Variants in CRACD observed in about 807,000 individuals in gnomAD.
CRACD encodes the protein capping protein-inhibiting regulator of actin dynamics.
A neutral mutation model predicts 106.8 loss-of-function variants in CRACD; 56 were observed. That is an observed-to-expected ratio of 0.52 (90% CI 0.42 to 0.66). CRACD has a LOEUF of 0.66. CRACD is among the 30% of genes least tolerant of loss of function. The pLI, the probability that CRACD is intolerant of heterozygous loss-of-function variation, is 0.00. For synonymous variants in CRACD, 754 were observed against 670.8 expected (o/e 1.12, Z -1.92); for missense variants, 1,730 against 1,623.2 (o/e 1.07, Z -1.13).
At chr4:56,185,769 C>T (rs903906286) in intron 2 of CRACD, among the ~76,000 whole-genome samples, 25 of 152,166 alleles carry the variant, frequency 1.6e-4, no homozygotes, top group African/African-American at 6.0e-4. Context: ...CCCTGTCTCC[C>T]CACCCCTGAC....
At chr4:56,326,388 C>A (rs1746453493) in intron 10 of CRACD, among the ~76,000 whole-genome samples, 2 of 152,132 alleles carry the variant, frequency 1.3e-5, no homozygotes, top group African/African-American at 2.4e-5. Flanking sequence ...AAAGTGAAAG[C>A]CCCAAAGTCA....
At chr4:56,260,855 GTCTT>G (rs1217649177) in intron 2 of CRACD, among the ~76,000 whole-genome samples, 2 of 151,838 alleles carry the variant, frequency 1.3e-5, no homozygotes, top group Non-Finnish European at 2.9e-5. Context: ...CTGTCTGTCT[GTCTT>G]TCTGTCTATC....
chr4:56,214,410 T>C (rs577699066), intron 2 of CRACD, among the ~76,000 whole-genome samples: 3 of 151,564 alleles, frequency 2.0e-5, no homozygotes, highest in East Asian at 3.9e-4. Flanking sequence ...CTGGCCAACA[T>C]GGTGAAAACT....
chr4:56,144,145 A>G (rs764945579), intron 1 of CRACD, among the ~76,000 whole-genome samples: 1 of 152,184 alleles, frequency 6.6e-6, no homozygotes, highest in South Asian at 2.1e-4. Flanking sequence ...GAGGGAGCAC[A>G]TGGTGCTTCT....
intron 1 of CRACD, among the ~76,000 whole-genome samples, chr4:56,050,602 C>G (rs1395716639): frequency 1.3e-5 from 2 of 152,096 alleles, no homozygotes; most frequent in African/African-American, 4.8e-5. Context: ...TCACTACTGT[C>G]TCCTTTATCC....
At chr4:56,295,499 T>C (rs2109712964) in intron 3 of CRACD, among the ~76,000 whole-genome samples, 1 of 151,568 alleles carries the variant, frequency 6.6e-6, no homozygotes, top group East Asian at 1.9e-4. Flanking sequence ...ATGTTTGGAG[T>C]TCAACACCAA....
At chr4:56,116,100 T>C (rs1477385221) in intron 1 of CRACD, among the ~76,000 whole-genome samples, 1 of 152,240 alleles carries the variant, frequency 6.6e-6, no homozygotes, top group Non-Finnish European at 1.5e-5. Context: ...CAGAAGGTGA[T>C]AATAAATTGC....
At chr4:56,090,334 TC>T (rs1384842961) in intron 1 of CRACD, among the ~76,000 whole-genome samples, 2 of 152,128 alleles carry the variant, frequency 1.3e-5, no homozygotes, top group Non-Finnish European at 2.9e-5. Flanking sequence ...ACCCAGGCGT[TC>T]CTGTGGTTAT....
At chr4:56,231,337 A>AT (rs1446231580) in intron 2 of CRACD, among the ~76,000 whole-genome samples, 1 of 152,216 alleles carries the variant, frequency 6.6e-6, no homozygotes, top group Non-Finnish European at 1.5e-5. Flanking sequence ...TAGGTGCTCA[A>AT]TGAATATTCA....
In CRACD at chr4:56,314,789, G is replaced by A. The variant is rs982867907; in HGVS notation, c.1287G>A (p.Arg429=). 2.1e-5 allele frequency: 34 copies of A among 1,599,778 alleles called. No individual in the cohort carries two copies. The highest frequency in any genetic ancestry group is 2.7e-5 in the Non-Finnish European group (32 of 1,174,758). The change falls in exon 8 of 11, where the codon AGG becomes AGA. Residue 429 remains arginine, a synonymous_variant. Coordinates refer to ENST00000682029, the MANE Select transcript of CRACD (RefSeq NM_001393381.1). The surrounding 1 kb of genome is among the most constrained non-coding windows in gnomAD (Gnocchi z 4.4). ...LSELLNDFEE[R]LEDQERLKPE... is the part of the protein sequence containing the mutation. The stretch of plus-strand genomic sequence containing the variant: ...AGCTTCTGAACGACTTTGAGGAGAG[G>A]CTCGAAGACCAGGAACGCCTGAAAC...
At chr4:56,192,770 T>C (rs13142172) in intron 2 of CRACD, among the ~76,000 whole-genome samples, 36,711 of 152,120 alleles carry the variant, frequency 0.24, 5,510 homozygotes, top group Non-Finnish European at 0.32. Context: ...GAAGACCTTT[T>C]CCTGATCTGA....
intron 3 of CRACD, among the ~76,000 whole-genome samples, chr4:56,275,390 G>T (rs1742620162): frequency 6.6e-6 from 1 of 152,116 alleles, no homozygotes; most frequent in South Asian, 2.1e-4. Flanking sequence ...GGAGTTCAAG[G>T]CTATAGTGCG....
chr4:56,191,012 A>C (rs755576021), intron 2 of CRACD, among the ~76,000 whole-genome samples: 4 of 152,164 alleles, frequency 2.6e-5, no homozygotes, highest in Non-Finnish European at 5.9e-5. Flanking sequence ...TGAGATTTTC[A>C]TGGGGACACA....
In CRACD at chr4:56,316,285, C is replaced by T. The variant is rs984566977; in HGVS notation, c.2783C>T (p.Ser928Phe). 6.2e-7 allele frequency: 1 copy of T among 1,613,884 alleles called. No homozygotes were observed. The highest frequency in any genetic ancestry group is 1.7e-5 in the Admixed American group (1 of 60,012). ...TCCGCTGAACCTTCCAGCAGCCGCT[C>T]TGTTCCTGTGGCCCACCCTGGGCCT... ...RDSAEPSSSR[S>F]VPVAHPGPPP... Residue 928 changes from serine (S) to phenylalanine (F), a missense_variant, in exon 8 of 11, where the codon TCT becomes TTT. Physicochemically the swap from Ser to Phe is radical, Grantham distance 155 (BLOSUM62 -2). This residue lies in a region of CRACD where 1,620 missense variants were observed against 1,481.6 expected (regional missense o/e 1.09). Transcript: ENST00000682029.
chr4:56,269,253 C>G (rs1477740940), intron 2 of CRACD, among the ~76,000 whole-genome samples: 1 of 151,976 alleles, frequency 6.6e-6, no homozygotes, highest in Non-Finnish European at 1.5e-5. Context: ...GGTGGTGGCC[C>G]ACGCCTGTAA....
At chr4:56,296,282 T>C (rs1403413852) in intron 3 of CRACD, among the ~76,000 whole-genome samples, 1 of 152,154 alleles carries the variant, frequency 6.6e-6, no homozygotes, top group Non-Finnish European at 1.5e-5. Flanking sequence ...TGTCACAAGA[T>C]GGTGATGATG....
chr4:56,086,678 G>A (rs17743071), intron 1 of CRACD, among the ~76,000 whole-genome samples: 3,623 of 152,174 alleles, frequency 0.024, 61 homozygotes, highest in Admixed American at 0.058. Context: ...ATGGCAGTCA[G>A]GAAGTGTCCA....
At chr4:56,107,290 C>G (rs1014396400) in intron 1 of CRACD, among the ~76,000 whole-genome samples, 2 of 152,082 alleles carry the variant, frequency 1.3e-5, no homozygotes, top group African/African-American at 4.8e-5. Flanking sequence ...CCTGGATTGG[C>G]CATTTTCTAT....
At position 56,328,419 on chromosome 4, in the gene CRACD, AT is replaced by A. The variant is rs1284974723; in HGVS notation, c.*620del. 6.9e-5 allele frequency: 36 copies of A among 518,332 alleles called. No homozygotes were observed. The highest frequency in any genetic ancestry group is 1.3e-4 in the Non-Finnish European group (34 of 259,644). 32.1% of individuals were successfully genotyped at this position (518,332 alleles called of 1,614,324 possible). ...TAACCCAGAAGGCACATCCATTCAC[AT>A]TTTTACCGCACTGTGGATTCATAGT... On this transcript the variant is annotated 3_prime_UTR_variant, in exon 11 of 11. Coordinates refer to ENST00000682029, the MANE Select transcript of CRACD (RefSeq NM_001393381.1).
Sources: allele counts gnomAD v4.1 joint callset (sites outside exome capture counted in the v4.1 genomes callset), GRCh38; gene constraint gnomAD v4.1.1; regional missense constraint gnomAD v4.1.1; non-coding constraint Gnocchi (gnomAD v3.1); transcripts MANE v1.5; gene names NCBI Gene and HGNC (gene_info 2026-07-23, HGNC 2026-07-21).